The following PRKN variants were observed in gnomAD, a reference collection of about 807,000 sequenced individuals.
PRKN encodes E3 ubiquitin-protein ligase parkin.
In PRKN, 56 loss-of-function variants were observed where a neutral mutation model predicts 59.5. The observed-to-expected ratio is 0.94, with a 90% confidence interval of 0.76 to 1.18. PRKN has a LOEUF of 1.18. Ranked by LOEUF, PRKN falls within the 50% of genes most tolerant of loss-of-function variation. PRKN has a pLI of 0.00. For missense variants in PRKN, 657 were observed against 596.4 expected, an observed-to-expected ratio of 1.10 and a Z score of -1.06; for synonymous variants, 250 against 222.1, an observed-to-expected ratio of 1.13 and a Z score of -1.12.
At chr6:162,553,557 A>AAAAAAAAAC (rs1554242558) in intron 1 of PRKN, among the ~76,000 whole-genome samples, 3 of 138,668 alleles carry the variant, frequency 2.2e-5, no homozygotes, top group Non-Finnish European at 3.1e-5. Context: ...AAAAAAAAAA[A>AAAAAAAAAC]CACCCTAAAG....
chr6:161,569,723 T>C (rs914634130), intron 7 of PRKN, among the ~76,000 whole-genome samples: 2 of 152,196 alleles, frequency 1.3e-5, no homozygotes, highest in African/African-American at 4.8e-5. Flanking sequence ...AGAAACATGT[T>C]CAGCATGTCA....
chr6:161,646,568 G>A (rs13206788), intron 7 of PRKN, among the ~76,000 whole-genome samples: 3 of 74,766 alleles, frequency 4.0e-5, no homozygotes, highest in African/African-American at 1.4e-4. Flanking sequence ...GTGTCAGTGA[G>A]AGTGGTGACT....
chr6:162,445,455 G>C (rs1450950419), intron 1 of PRKN, among the ~76,000 whole-genome samples: 1 of 152,054 alleles, frequency 6.6e-6, no homozygotes, highest in Non-Finnish European at 1.5e-5. Flanking sequence ...GGGAGGCCAA[G>C]GGGCAAGGAT....
chr6:162,417,141 T>G (rs1788670538), intron 2 of PRKN, among the ~76,000 whole-genome samples: 1 of 152,108 alleles, frequency 6.6e-6, no homozygotes. Flanking sequence ...CCAAGGAGTT[T>G]TTATTTTTTA....
intron 2 of PRKN, among the ~76,000 whole-genome samples, chr6:162,370,471 T>A (rs1785700020): frequency 1.3e-5 from 2 of 152,178 alleles, no homozygotes; most frequent in African/African-American, 4.8e-5. Context: ...ACAACTTCAT[T>A]TCCCCAAATT....
At chr6:161,726,252 T>C (rs1787436171) in intron 7 of PRKN, among the ~76,000 whole-genome samples, 1 of 152,242 alleles carries the variant, frequency 6.6e-6, no homozygotes, top group South Asian at 2.1e-4. Context: ...TATCATTCAA[T>C]GTGTTTCTGG....
intron 1 of PRKN, 74 bp downstream of exon 1, chr6:162,727,588 C>T: frequency 2.0e-6 from 3 of 1,489,306 alleles, no homozygotes; most frequent in Non-Finnish European, 1.8e-6. Context: ...TCCTGGTCGG[C>T]CGAGGCGGGG....
chr6:162,291,021 T>C (rs1781404460), intron 2 of PRKN, among the ~76,000 whole-genome samples: 1 of 152,144 alleles, frequency 6.6e-6, no homozygotes, highest in Non-Finnish European at 1.5e-5. Context: ...TGTGTACTTA[T>C]AAGAAAGGAG....
chr6:162,247,389 G>T (rs887001789), intron 3 of PRKN, among the ~76,000 whole-genome samples: 7 of 152,070 alleles, frequency 4.6e-5, no homozygotes, highest in African/African-American at 1.7e-4. Context: ...CACCGTGAAA[G>T]ATAAAACTTG....
intron 9 of PRKN, among the ~76,000 whole-genome samples, chr6:161,420,522 ATTTATT>A (rs1390911304): frequency 6.0e-5 from 9 of 150,354 alleles, no homozygotes; most frequent in Non-Finnish European, 1.3e-4. Flanking sequence ...TTCTTTCTTT[ATTTATT>A]TTTGAGACAG....
intron 6 of PRKN, among the ~76,000 whole-genome samples, chr6:161,934,392 A>C (rs964562237): frequency 9.2e-5 from 14 of 152,208 alleles, no homozygotes; most frequent in African/African-American, 3.1e-4. Flanking sequence ...TATATCTAAA[A>C]AGAAACTACA....
At chr6:162,300,193 G>C (rs1466283642) in intron 2 of PRKN, among the ~76,000 whole-genome samples, 1 of 151,968 alleles carries the variant, frequency 6.6e-6, no homozygotes, top group African/African-American at 2.4e-5. Flanking sequence ...GAATAGGAAT[G>C]CCTATGACAT....
intron 7 of PRKN, among the ~76,000 whole-genome samples, chr6:161,713,655 C>A (rs993827437): frequency 6.6e-6 from 1 of 152,170 alleles, no homozygotes; most frequent in South Asian, 2.1e-4. Flanking sequence ...GTTCCTTGTA[C>A]GACCTCACTG....
At chr6:162,161,939 G>C in intron 4 of PRKN, among the ~76,000 whole-genome samples, 1 of 152,026 alleles carries the variant, frequency 6.6e-6, no homozygotes, top group Non-Finnish European at 1.5e-5. Context: ...CTTTGTCATA[G>C]GTATGCATGT....
At chr6:161,962,147 G>C (rs1027820389) in intron 6 of PRKN, among the ~76,000 whole-genome samples, 8 of 152,130 alleles carry the variant, frequency 5.3e-5, no homozygotes, top group African/African-American at 1.4e-4. Flanking sequence ...AGCTACAAAG[G>C]ACAACTTTGC....
At chr6:161,504,527 C>CTTTTTTT (rs66831164) in intron 9 of PRKN, among the ~76,000 whole-genome samples, 1 of 149,232 alleles carries the variant, frequency 6.7e-6, no homozygotes, top group Non-Finnish European at 1.5e-5. Context: ...GTGAAACTTT[C>CTTTTTTT]TTTTTTATTA....
rs934667568 is a variant in PRKN, at chr6:161,497,939, A to G, written c.1083+50915T>C. ...CTTTAATATATTTAGTTCAAATTGC[A>G]TGATGGTAATTATGCTTCTAAATCT... On this transcript the variant is annotated intron_variant, in intron 9 of 11. Transcript: ENST00000366898. This position sits in a 1 kb window ranked among gnomAD's most constrained non-coding sequence, Gnocchi z 4.6. Among the ~76,000 whole-genome samples the G allele has an allele frequency of 2.6e-5, 4 of 152,226 alleles. No homozygotes were observed. The highest frequency in any genetic ancestry group is 9.6e-5 in the African/African-American group (4 of 41,468).
intron 4 of PRKN, among the ~76,000 whole-genome samples, chr6:162,055,862 G>A (rs1777835392): frequency 6.6e-6 from 1 of 151,962 alleles, no homozygotes; most frequent in Non-Finnish European, 1.5e-5. Flanking sequence ...GTGGGAGGTG[G>A]GCAGGGGTTC....
chr6:161,449,049 T>TC (rs1356163104), intron 9 of PRKN, among the ~76,000 whole-genome samples: 1 of 152,166 alleles, frequency 6.6e-6, no homozygotes, highest in Non-Finnish European at 1.5e-5. Context: ...CCATCAGGGC[T>TC]CGGGTAAGAA....
Sources: allele counts gnomAD v4.1 joint callset (sites outside exome capture counted in the v4.1 genomes callset), GRCh38; gene constraint gnomAD v4.1.1; non-coding constraint Gnocchi (gnomAD v3.1); transcripts MANE v1.5; gene names NCBI Gene and HGNC (gene_info 2026-07-23, HGNC 2026-07-21).